Variants in CERK observed in about 807,000 individuals in gnomAD.
CERK encodes the protein acylsphingosine kinase.
A neutral mutation model predicts 63.4 loss-of-function variants in CERK; 39 were observed. The ratio of observed to expected loss-of-function variants is 0.61; its 90% CI spans 0.48 to 0.80. The LOEUF (loss-of-function observed/expected upper bound fraction) is 0.80, where lower values mean the gene tolerates loss of function less well. Ranked by LOEUF, CERK falls within the 30% of genes least tolerant of loss-of-function variation. CERK has a pLI of 0.00. For synonymous variants in CERK, 302 were observed against 280.0 expected, an observed-to-expected ratio of 1.08 and a Z score of -0.78; for missense variants, 670 against 714.1, an observed-to-expected ratio of 0.94 and a Z score of 0.70.
At chr22:46,701,088 T>A (rs1044257553) in intron 7 of CERK, among the ~76,000 whole-genome samples, 5 of 152,036 alleles carry the variant, frequency 3.3e-5, no homozygotes, top group Admixed American at 6.5e-5. Context: ...GGTAACCCTG[T>A]CTACTGGGGT....
intron 3 of CERK, among the ~76,000 whole-genome samples, chr22:46,713,653 C>T (rs191937375): frequency 5.3e-4 from 81 of 152,098 alleles, no homozygotes; most frequent in African/African-American, 1.8e-3. Context: ...CACACATCAA[C>T]GGAGCATCCT....
chr22:46,730,756 T>C (rs2082941372), intron 1 of CERK, among the ~76,000 whole-genome samples: 2 of 152,320 alleles, frequency 1.3e-5, no homozygotes, highest in East Asian at 3.9e-4. Flanking sequence ...AAAAGGCAGC[T>C]GTTCAGGGCC....
chr22:46,706,083 G>A (rs1048512236), intron 6 of CERK, among the ~76,000 whole-genome samples: 1 of 152,250 alleles, frequency 6.6e-6, no homozygotes, highest in Non-Finnish European at 1.5e-5. Context: ...GGGGCTGGGA[G>A]CCTGGAGCGT....
chr22:46,691,052 T>TACACACACACACACACAC (rs753033175), intron 11 of CERK, among the ~76,000 whole-genome samples: 6 of 78,514 alleles, frequency 7.6e-5, no homozygotes, highest in South Asian at 4.2e-4. Flanking sequence ...CATGTATACA[T>TACACACACACACACACAC]ACATACACAC....
chr22:46,693,332 G>A (rs1478399393), intron 10 of CERK, 95 bp downstream of exon 10: 8 of 988,978 alleles, frequency 8.1e-6, no homozygotes, highest in South Asian at 2.6e-5. Flanking sequence ...AAAAGCACAG[G>A]TGGGCAGGGA....
Position 46,737,966 on chromosome 22 carries a change from C to T in CERK, c.142+41G>A, listed in dbSNP as rs948034804. ...GGGTCCCCCAAGCCGCCCCCGCTCCCTGGCCAGGTCCGGCCGAACCCGGGC... is the reference window on the plus strand; with the variant it reads ...GGGTCCCCCAAGCCGCCCCCGCTCCTTGGCCAGGTCCGGCCGAACCCGGGC... On this transcript the variant is annotated intron_variant, in intron 1 of 12. Coordinates refer to ENST00000216264, the MANE Select transcript of CERK (RefSeq NM_022766.6). 99 of 1,150,886 alleles carry T rather than the reference C, an allele frequency of 8.6e-5. No individual in the cohort carries two copies. In the Middle Eastern group the frequency reaches 2.9e-3, roughly 33 times the overall value. 71.3% of individuals were successfully genotyped at this position (1,150,886 alleles called of 1,614,324 possible).
intron 8 of CERK, among the ~76,000 whole-genome samples, chr22:46,698,450 C>A (rs1313703000): frequency 2.6e-5 from 4 of 152,198 alleles, no homozygotes; most frequent in Non-Finnish European, 5.9e-5. Flanking sequence ...ACGGTGTAAC[C>A]CCAACAAAAC....
intron 8 of CERK, among the ~76,000 whole-genome samples, chr22:46,698,231 G>C (rs764349459): frequency 1.3e-5 from 2 of 152,256 alleles, no homozygotes; most frequent in Non-Finnish European, 2.9e-5. Context: ...GAAGAGCACT[G>C]TGGAGAATGA....
At chr22:46,696,332 G>T (rs1026941395) in intron 8 of CERK, among the ~76,000 whole-genome samples, 10 of 152,188 alleles carry the variant, frequency 6.6e-5, no homozygotes, top group African/African-American at 2.4e-4. Flanking sequence ...CCGCCTCCCT[G>T]CAGAGTGGCT....
At chr22:46,720,553 G>A (rs572591553) in intron 2 of CERK, among the ~76,000 whole-genome samples, 46 of 152,150 alleles carry the variant, frequency 3.0e-4, no homozygotes, top group African/African-American at 9.6e-4. Context: ...AAAAGTAGCC[G>A]GGTGTGGTGG....
chr22:46,735,157 C>A (rs1382639745), intron 1 of CERK: 6 of 152,172 alleles, frequency 3.9e-5, no homozygotes, highest in African/African-American at 1.4e-4. Flanking sequence ...GTGTGTTTTG[C>A]GACAGTCAGG....
At chr22:46,695,068 G>T (rs940059402) in intron 9 of CERK, 142 bp downstream of exon 9, 22 of 587,888 alleles carry the variant, frequency 3.7e-5, no homozygotes, top group Non-Finnish European at 6.7e-5. Context: ...GCCATCATGG[G>T]CATCATAGGC....
At chr22:46,697,569 G>A (rs926277571) in intron 8 of CERK, among the ~76,000 whole-genome samples, 1 of 152,116 alleles carries the variant, frequency 6.6e-6, no homozygotes, top group Non-Finnish European at 1.5e-5. Flanking sequence ...GCAGTGGCAC[G>A]ATCTCAGCTC....
At chr22:46,699,493 G>A in intron 7 of CERK, 28 bp from the exon 8 acceptor site, 1 of 1,612,172 alleles carries the variant, frequency 6.2e-7, no homozygotes, top group Non-Finnish European at 8.5e-7. Flanking sequence ...CGTGAGGGAA[G>A]GCAGCCCCCC....
intron 1 of CERK, among the ~76,000 whole-genome samples, chr22:46,733,215 A>C (rs1312916988): frequency 1.3e-5 from 2 of 151,082 alleles, no homozygotes; most frequent in African/African-American, 2.4e-5. Flanking sequence ...TCTCAAAAAA[A>C]AAAAAAAAAA....
chr22:46,693,557 G>A (rs375767252), intron 9 of CERK, 54 bp from the exon 10 acceptor site: 35 of 1,400,650 alleles, frequency 2.5e-5, no homozygotes, highest in African/African-American at 2.3e-4. Context: ...GGTGCAGTGC[G>A]TATGCTTGGC....
intron 1 of CERK, among the ~76,000 whole-genome samples, chr22:46,727,587 GCCCAGTCT>G (rs2082925481): frequency 6.6e-6 from 1 of 151,942 alleles, no homozygotes; most frequent in South Asian, 2.1e-4. Flanking sequence ...GAGCCACTGT[GCCCAGTCT>G]TCTTAGTTCT....
At chr22:46,687,491 C>T (rs1048819246) in intron 12 of CERK, among the ~76,000 whole-genome samples, 1 of 152,198 alleles carries the variant, frequency 6.6e-6, no homozygotes, top group Non-Finnish European at 1.5e-5. Context: ...TGCCAATGGC[C>T]AGGTGGGAAA....
Position 46,707,988 on chromosome 22 carries a change from G to C in CERK, c.570C>G (p.Gly190=), listed in dbSNP as rs766877316. 1.9e-5 allele frequency: 30 copies of C among 1,601,056 alleles called. No individual in the cohort carries two copies. The highest frequency in any genetic ancestry group is 2.5e-5 in the Non-Finnish European group (29 of 1,170,902). The change falls in exon 6 of 13, where the codon GGC becomes GGG. Residue 190 remains glycine (G), a splice_region_variant and synonymous_variant. Coordinates refer to ENST00000216264, the MANE Select transcript of CERK (RefSeq NM_022766.6). ...LYEINIDKYD[G]IVCVGGDGMF... ...TACCATCTCCGCCGACACAGACGAT[G>C]CTGCAGGAGGAACACAGCCGGTCAG...
Sources: gnomAD v4.1 joint callset for allele counts (sites outside exome capture counted in the v4.1 genomes callset) on GRCh38, gnomAD v4.1.1 for gene constraint, MANE v1.5 for transcripts, NCBI Gene and HGNC (gene_info 2026-07-23, HGNC 2026-07-21) for gene names.